Variants in OSBP2 observed in about 807,000 individuals in gnomAD.
OSBP2 encodes the protein oxysterol-binding protein 2.
Under a neutral mutation model 96.0 loss-of-function variants are expected in OSBP2, and 66 were observed. The ratio of observed to expected loss-of-function variants is 0.69; its 90% CI spans 0.56 to 0.84. The LOEUF (loss-of-function observed/expected upper bound fraction) is 0.84. Among genes scored for constraint, OSBP2 ranks in the 40% least tolerant of loss-of-function variants. The pLI is 0.00. For synonymous variants in OSBP2, 525 were observed against 520.9 expected (o/e 1.01, Z -0.11); for missense variants, 1,038 against 1,222.7 (o/e 0.85, Z 2.25).
Position 30,846,853 on chromosome 22 carries a change from T to C in OSBP2, c.854-23576T>C, listed in dbSNP as rs1016320552. On this transcript the variant is annotated intron_variant, in intron 2 of 13. Transcript: ENST00000332585. ...TGCTGGATTCAATTTGCTAGTACTT[T>C]TCTGAGTATTTTTGTGTCTTTGTTC... Among the ~76,000 whole-genome samples, 19 of 152,228 alleles carry C rather than the reference T, an allele frequency of 1.2e-4. 1 individual carries two copies. Among genetic ancestry groups the C allele is most frequent in the Non-Finnish European group, 4.4e-5 (3 of 68,036 alleles).
At chr22:30,771,829 T>C (rs2090350138) in intron 2 of OSBP2, among the ~76,000 whole-genome samples, 1 of 152,192 alleles carries the variant, frequency 6.6e-6, no homozygotes, top group East Asian at 1.9e-4. Context: ...GCTCAGGCTG[T>C]GGCAAGAGGC....
chr22:30,902,171 T>C, intron 12 of OSBP2: 1 of 647,910 alleles, frequency 1.5e-6, no homozygotes, highest in Admixed American at 2.7e-5. Context: ...CCCACGGCAG[T>C]ACTGGTGGCC....
Position 30,870,973 on chromosome 22 carries a change from G to A in OSBP2, c.1107+291G>A, listed in dbSNP as rs2039446271. Among the ~76,000 whole-genome samples the A allele has an allele frequency of 6.6e-6, 1 of 152,126 alleles. No homozygotes were observed. The highest frequency in any genetic ancestry group is 1.5e-5 in the Non-Finnish European group (1 of 68,022). Reference sequence around the variant, plus strand: ...TTCATGCCTCGATAAGGAAGGTCGGGGCCCCAAGTTAAGTAGCTAGCCCAG... The same window carrying A: ...TTCATGCCTCGATAAGGAAGGTCGGAGCCCCAAGTTAAGTAGCTAGCCCAG... On this transcript the variant is annotated intron_variant, in intron 3 of 13. Coordinates refer to ENST00000332585, the MANE Select transcript of OSBP2 (RefSeq NM_030758.4). This position sits in a 1 kb window ranked among gnomAD's most constrained non-coding sequence, Gnocchi z 4.1.
chr22:30,827,898 C>T (rs1465602679), intron 2 of OSBP2, among the ~76,000 whole-genome samples: 1 of 152,178 alleles, frequency 6.6e-6, no homozygotes, highest in African/African-American at 2.4e-5. Context: ...GAAACTGAGG[C>T]TCAAGGAAGA....
intron 2 of OSBP2, among the ~76,000 whole-genome samples, chr22:30,869,531 T>TTTTTG (rs1159705480): frequency 6.6e-6 from 1 of 152,108 alleles, no homozygotes; most frequent in African/African-American, 2.4e-5. Context: ...GTTTTGGGTG[T>TTTTTG]TTTTGTTTTG....
At chr22:30,821,390 A>T (rs138805963) in intron 2 of OSBP2, among the ~76,000 whole-genome samples, 3 of 152,356 alleles carry the variant, frequency 2.0e-5, no homozygotes, top group Non-Finnish European at 4.4e-5. Flanking sequence ...AACAACATGC[A>T]GGTGGTGAGA....
At chr22:30,865,709 G>T (rs1234113285) in intron 2 of OSBP2, among the ~76,000 whole-genome samples, 1 of 151,778 alleles carries the variant, frequency 6.6e-6, no homozygotes, top group African/African-American at 2.4e-5. Context: ...CGGGCCAGGG[G>T]CCTAAGGCCC....
chr22:30,848,356 T>A (rs904667149), intron 2 of OSBP2, among the ~76,000 whole-genome samples: 2 of 152,236 alleles, frequency 1.3e-5, no homozygotes, highest in Admixed American at 6.5e-5. Flanking sequence ...TATTTGGTCA[T>A]ATGTATATCT....
intron 1 of OSBP2, among the ~76,000 whole-genome samples, chr22:30,713,850 T>A (rs760893453): frequency 6.6e-6 from 1 of 152,206 alleles, no homozygotes; most frequent in Non-Finnish European, 1.5e-5. Context: ...CGTGTAATGA[T>A]CAAATCAAAG....
At chr22:30,845,679 C>T (rs5753343) in intron 2 of OSBP2, among the ~76,000 whole-genome samples, 10 of 151,430 alleles carry the variant, frequency 6.6e-5, no homozygotes, top group South Asian at 2.1e-4. Context: ...GTCAGGAGTT[C>T]GAGACCAGCC....
chr22:30,863,543 C>T (rs9609128), intron 2 of OSBP2, among the ~76,000 whole-genome samples: 38,089 of 152,074 alleles, frequency 0.25, 5,216 homozygotes, highest in East Asian at 0.4. Context: ...CAATGAATGC[C>T]CTGCTCTGGG....
chr22:30,799,925 T>C (rs2090825788), intron 2 of OSBP2, among the ~76,000 whole-genome samples: 1 of 152,258 alleles, frequency 6.6e-6, no homozygotes, highest in South Asian at 2.1e-4. Flanking sequence ...TTGTCTTTAT[T>C]GCCTACAGCA....
intron 2 of OSBP2, among the ~76,000 whole-genome samples, chr22:30,784,035 C>G (rs1485405553): frequency 1.3e-5 from 2 of 152,178 alleles, no homozygotes; most frequent in Non-Finnish European, 2.9e-5. Flanking sequence ...TTACGATTGA[C>G]GTAGGTTTCT....
chr22:30,850,670 T>G (rs1334843710), intron 2 of OSBP2, among the ~76,000 whole-genome samples: 1 of 152,128 alleles, frequency 6.6e-6, no homozygotes, highest in African/African-American at 2.4e-5. Context: ...TGGCTAATTT[T>G]GTATTTTTAA....
At chr22:30,696,799 G>A (rs537316310) in intron 1 of OSBP2, among the ~76,000 whole-genome samples, 2 of 151,998 alleles carry the variant, frequency 1.3e-5, no homozygotes, top group African/African-American at 2.4e-5. Context: ...GATTACAGGC[G>A]CCCGTCACCA....
intron 2 of OSBP2, among the ~76,000 whole-genome samples, chr22:30,819,903 T>G (rs4443): frequency 0.38 from 57,123 of 152,048 alleles, 11,021 homozygotes; most frequent in South Asian, 0.49. Flanking sequence ...TCAGCTCCTC[T>G]GCCCTCCTCT....
At chr22:30,712,461 A>G (rs2089367883) in intron 1 of OSBP2, among the ~76,000 whole-genome samples, 1 of 152,174 alleles carries the variant, frequency 6.6e-6, no homozygotes, top group Admixed American at 6.6e-5. Flanking sequence ...GGCCATTTCC[A>G]TGAGGTCAGG....
At chr22:30,882,103 G>A (rs1464951802) in intron 3 of OSBP2, among the ~76,000 whole-genome samples, 2 of 152,168 alleles carry the variant, frequency 1.3e-5, no homozygotes, top group Non-Finnish European at 2.9e-5. Context: ...GGTCACTCAC[G>A]GCCAGTGTAT....
At chr22:30,766,207 C>A (rs767059298) in intron 2 of OSBP2, among the ~76,000 whole-genome samples, 7 of 152,122 alleles carry the variant, frequency 4.6e-5, no homozygotes, top group Non-Finnish European at 8.8e-5. Flanking sequence ...GGTGACAGAG[C>A]AAGACCCTTT....
Sources: gnomAD v4.1 joint callset for allele counts (sites outside exome capture counted in the v4.1 genomes callset) on GRCh38, gnomAD v4.1.1 for gene constraint, Gnocchi (gnomAD v3.1) non-coding constraint, MANE v1.5 for transcripts, NCBI Gene and HGNC (gene_info 2026-07-23, HGNC 2026-07-21) for gene names.